ALX1: variants seen among roughly 807,000 people sequenced by gnomAD.
The protein encoded by ALX1 is ALX homeobox protein 1.
In ALX1, 19 loss-of-function variants were observed where a neutral mutation model predicts 31.7. The observed-to-expected ratio is 0.60, with a 90% confidence interval of 0.42 to 0.88. The LOEUF is 0.88. Among genes scored for constraint, ALX1 ranks in the 40% least tolerant of loss-of-function variants. The pLI is 0.00. For missense variants in ALX1, 415 were observed against 407.8 expected, an observed-to-expected ratio of 1.02 and a Z score of -0.15; for synonymous variants, 153 against 148.8, an observed-to-expected ratio of 1.03 and a Z score of -0.20.
chr12:85,287,843 A>G (rs1363828897), intron 3 of ALX1, among the ~76,000 whole-genome samples: 3 of 151,576 alleles, frequency 2.0e-5, no homozygotes, highest in Non-Finnish European at 4.4e-5. Flanking sequence ...TTATTATTTA[A>G]TGATATGCAT....
chr12:85,294,430 C>T (rs1896859124), intron 3 of ALX1, among the ~76,000 whole-genome samples: 1 of 150,932 alleles, frequency 6.6e-6, no homozygotes, highest in Admixed American at 6.6e-5. Context: ...TTTATTTCTT[C>T]CTTAAATGAG....
intron 2 of ALX1, among the ~76,000 whole-genome samples, chr12:85,285,259 A>G (rs1186392068): frequency 6.6e-6 from 1 of 152,056 alleles, no homozygotes; most frequent in East Asian, 1.9e-4. Context: ...CAGAGAGCCA[A>G]CTTGAACTTA....
chr12:85,280,585 T>C, intron 1 of ALX1, 98 bp downstream of exon 1: 1 of 1,332,650 alleles, frequency 7.5e-7, no homozygotes, highest in Non-Finnish European at 1.0e-6. Context: ...AGGAGAAAAG[T>C]GGGAGCGAGG....
Position 85,289,471 on chromosome 12 carries a change from C to A in ALX1, c.660+2490C>A, listed in dbSNP as rs1057226679. ...ATATATTTGATCATCTTTTTCACTC[C>A]AATGAAAAATTAATTTAAAAAATTT... On this transcript the variant is annotated intron_variant, in intron 3 of 3. Transcript: ENST00000316824. Among the ~76,000 whole-genome samples, 23 of 151,174 alleles carry A rather than the reference C, an allele frequency of 1.5e-4. 1 individual carries two copies. Among genetic ancestry groups the A allele is most frequent in the African/African-American group, 5.1e-4 (21 of 41,394 alleles).
chr12:85,287,292 CAGA>C (rs1021590199), intron 3 of ALX1, among the ~76,000 whole-genome samples: 4 of 151,680 alleles, frequency 2.6e-5, no homozygotes, highest in African/African-American at 9.7e-5. Flanking sequence ...TCTAATTACT[CAGA>C]CTCTCTTCCT....
At chr12:85,284,553 A>G (rs577667038) in intron 2 of ALX1, among the ~76,000 whole-genome samples, 92 of 152,216 alleles carry the variant, frequency 6.0e-4, no homozygotes, top group Middle Eastern at 3.4e-3. Flanking sequence ...TTTAAAGTAA[A>G]TTTTTGTGTA....
intron 3 of ALX1, among the ~76,000 whole-genome samples, chr12:85,298,071 T>C (rs140266110): frequency 9.4e-4 from 143 of 151,782 alleles, no homozygotes; most frequent in African/African-American, 3.3e-3. Context: ...GAGAAATAAT[T>C]GTGGGTTTTT....
At chr12:85,288,674 C>A (rs1896780118) in intron 3 of ALX1, among the ~76,000 whole-genome samples, 2 of 151,434 alleles carry the variant, frequency 1.3e-5, no homozygotes, top group African/African-American at 4.8e-5. Context: ...CTCACAACAA[C>A]CTTATGTGCT....
intron 3 of ALX1, among the ~76,000 whole-genome samples, chr12:85,299,622 A>T (rs376907757): frequency 6.6e-6 from 1 of 151,734 alleles, no homozygotes; most frequent in African/African-American, 2.4e-5. Flanking sequence ...AATCACTGAA[A>T]CCCCACCTAA....
chr12:85,301,565 G>A lies in ALX1; in HGVS notation c.*90G>A, dbSNP rs770047036. 6.7e-4 allele frequency: 914 copies of A among 1,364,994 alleles called. 3 individuals are homozygous for A. Among genetic ancestry groups the A allele is most frequent in the South Asian group, 9.9e-4 (83 of 83,702 alleles). The allele number at this position is 1,364,994 out of a possible 1,614,324, so 84.6% of individuals were successfully genotyped here. A position where few individuals can be genotyped will look rare whatever the true frequency, so the allele number is the denominator to read the frequency against. On this transcript the variant is annotated 3_prime_UTR_variant, in exon 4 of 4. Transcript: ENST00000316824. ...AGGATACCACAATAAGCTGCTGTGTGTGGAATTGCTAAAGGTCAAGATATT... is the reference window on the plus strand; with the variant it reads ...AGGATACCACAATAAGCTGCTGTGTATGGAATTGCTAAAGGTCAAGATATT...
chr12:85,291,590 T>C (rs1345064551), intron 3 of ALX1, among the ~76,000 whole-genome samples: 1 of 151,148 alleles, frequency 6.6e-6, no homozygotes, highest in African/African-American at 2.4e-5. Context: ...TACAATTTCA[T>C]GTTCTTAGGT....
chr12:85,284,585 T>C (rs1896724460), intron 2 of ALX1, among the ~76,000 whole-genome samples: 1 of 152,154 alleles, frequency 6.6e-6, no homozygotes, highest in African/African-American at 2.4e-5. Context: ...GTTTATAAGA[T>C]ATATTCTAGT....
At chr12:85,289,221 A>G (rs1896786314) in intron 3 of ALX1, among the ~76,000 whole-genome samples, 1 of 151,206 alleles carries the variant, frequency 6.6e-6, no homozygotes, top group African/African-American at 2.4e-5. Context: ...GACCTATATA[A>G]AGGGTAAAGC....
chr12:85,294,316 T>A (rs1324128483), intron 3 of ALX1, among the ~76,000 whole-genome samples: 1 of 151,098 alleles, frequency 6.6e-6, no homozygotes, highest in Admixed American at 6.6e-5. Flanking sequence ...CTATCATACA[T>A]GTATTAAAAT....
Position 85,301,599 on chromosome 12 carries a change from C to A in ALX1, c.*124C>A. The A allele has an allele frequency of 1.0e-6, 1 of 987,938 alleles. No individual in the cohort carries two copies. The highest frequency in any genetic ancestry group is 1.5e-5 in the South Asian group (1 of 68,814). 61.2% of individuals were successfully genotyped at this position (987,938 alleles called of 1,614,324 possible). The stretch of plus-strand genomic sequence containing the variant: ...CTAAAGGTCAAGATATTCAGTGAGA[C>A]CAGCTTAAATGAATAGTTGTTATTT... On this transcript the variant is annotated 3_prime_UTR_variant, in exon 4 of 4. Coordinates refer to ENST00000316824, the MANE Select transcript of ALX1 (RefSeq NM_006982.3).
chr12:85,288,532 C>G (rs7486483), intron 3 of ALX1, among the ~76,000 whole-genome samples: 72,644 of 151,210 alleles, frequency 0.48, 21,455 homozygotes, highest in African/African-American at 0.84. Flanking sequence ...CTGTAAAAAT[C>G]TTTCCCCTCT....
At chr12:85,289,360 T>C (rs1896787941) in intron 3 of ALX1, among the ~76,000 whole-genome samples, 1 of 151,258 alleles carries the variant, frequency 6.6e-6, no homozygotes, top group African/African-American at 2.4e-5. Context: ...CATTGTGTTA[T>C]TGTACCTCAA....
intron 3 of ALX1, among the ~76,000 whole-genome samples, chr12:85,292,002 T>G (rs1381248220): frequency 6.6e-6 from 1 of 151,176 alleles, no homozygotes; most frequent in Admixed American, 6.6e-5. Context: ...GCTCATACGA[T>G]GCTTGTGAAT....
In ALX1 at chr12:85,301,721, T is replaced by G. The variant is rs1896969772; in HGVS notation, c.*246T>G. ...TGTTTTAGTAGTAAGGTTTTCTTTTTCTATTGTACAAGTCAATGAAATATG... is the reference window on the plus strand; with the variant it reads ...TGTTTTAGTAGTAAGGTTTTCTTTTGCTATTGTACAAGTCAATGAAATATG... On this transcript the variant is annotated 3_prime_UTR_variant, in exon 4 of 4. Transcript: ENST00000316824. 1.8e-6 allele frequency: 1 copy of G among 545,052 alleles called. No homozygotes were observed. The highest frequency in any genetic ancestry group is 3.3e-5 in the Admixed American group (1 of 29,942). The allele number at this position is 545,052 out of a possible 1,614,324, so 33.8% of individuals were successfully genotyped here.
Sources: gnomAD v4.1 joint callset for allele counts (sites outside exome capture counted in the v4.1 genomes callset) on GRCh38, gnomAD v4.1.1 for gene constraint, MANE v1.5 for transcripts, NCBI Gene and HGNC (gene_info 2026-07-23, HGNC 2026-07-21) for gene names.